The following RHEBL1 variants were observed in gnomAD, a reference collection of about 807,000 sequenced individuals.
RHEBL1 encodes the protein GTPase RhebL1.
RHEBL1 carries 22 observed loss-of-function variants against 27.4 expected under a neutral mutation model. That is an observed-to-expected ratio of 0.80 (90% confidence interval 0.57 to 1.15). The LOEUF is 1.15. Among genes scored for constraint, RHEBL1 ranks in the 50% most tolerant of loss-of-function variants. RHEBL1 has a pLI of 0.00. For synonymous variants in RHEBL1, 85 were observed against 80.8 expected, an observed-to-expected ratio of 1.05 and a Z score of -0.28; for missense variants, 186 against 226.5, an observed-to-expected ratio of 0.82 and a Z score of 1.15.
chr12:49,066,369 A>G, intron 5 of RHEBL1, 91 bp from the exon 6 acceptor site: 1 of 1,547,850 alleles, frequency 6.5e-7, no homozygotes, highest in Non-Finnish European at 8.9e-7. Context: ...TTATCAGACC[A>G]GGCAGGATCT....
chr12:49,064,849 T>A lies in RHEBL1; in HGVS notation c.*254A>T. The A allele has an allele frequency of 1.9e-6, 1 of 518,876 alleles. No homozygotes were observed. Among genetic ancestry groups the A allele is most frequent in the South Asian group, 2.3e-5 (1 of 43,754 alleles). The allele number at this position is 518,876 out of a possible 1,614,324, so 32.1% of individuals were successfully genotyped here. A position where few individuals can be genotyped will look rare whatever the true frequency, so the allele number is the denominator to read the frequency against. On this transcript the variant is annotated 3_prime_UTR_variant, in exon 8 of 8. Coordinates refer to ENST00000301068, the MANE Select transcript of RHEBL1 (RefSeq NM_144593.3). ...ACTCATATCCTGACCCCATAGGTTA[T>A]AACAGAATTCATCAAACAAAAACAG...
Position 49,064,823 on chromosome 12 carries a change from G to A in RHEBL1, c.*280C>T, listed in dbSNP as rs1487155883. The A allele has an allele frequency of 7.2e-6, 3 of 419,242 alleles. No individual in the cohort carries two copies. The highest frequency in any genetic ancestry group is 1.3e-5 in the Non-Finnish European group (3 of 228,270). The allele number at this position is 419,242 out of a possible 1,614,324, so 26.0% of individuals were successfully genotyped here. A position where few individuals can be genotyped will look rare whatever the true frequency, so the allele number is the denominator to read the frequency against. ...TGGGTCCTGGATAAATAATGCCCAG[G>A]ACTCATATCCTGACCCCATAGGTTA... On this transcript the variant is annotated 3_prime_UTR_variant, in exon 8 of 8. Coordinates refer to ENST00000301068, the MANE Select transcript of RHEBL1 (RefSeq NM_144593.3).
intron 1 of RHEBL1, 110 bp from the exon 2 acceptor site, chr12:49,069,216 G>A: frequency 1.3e-6 from 2 of 1,578,772 alleles, no homozygotes; most frequent in Non-Finnish European, 8.6e-7. Flanking sequence ...TAACACCACA[G>A]TCTGTGAGTG....
chr12:49,069,896 A>T lies in RHEBL1; in HGVS notation c.-111T>A. The T allele has an allele frequency of 2.2e-6, 2 of 915,354 alleles. No individual in the cohort carries two copies. The highest frequency in any genetic ancestry group is 3.5e-6 in the Non-Finnish European group (2 of 571,538). The allele number at this position is 915,354 out of a possible 1,614,324, so 56.7% of individuals were successfully genotyped here. A position where few individuals can be genotyped will look rare whatever the true frequency, so the allele number is the denominator to read the frequency against. On this transcript the variant is annotated 5_prime_UTR_variant, in exon 1 of 8. Transcript: ENST00000301068. Reference sequence around the variant, plus strand: ...GGTGCAGGAAAGTCGCTCACCCCGAAGCTGCCGTGGGCAAGTTAGAAGGAA... The same window carrying T: ...GGTGCAGGAAAGTCGCTCACCCCGATGCTGCCGTGGGCAAGTTAGAAGGAA...
chr12:49,066,346 G>A, intron 5 of RHEBL1, 68 bp from the exon 6 acceptor site: 57 of 1,563,814 alleles, frequency 3.6e-5, no homozygotes, highest in Non-Finnish European at 5.0e-5. Flanking sequence ...TTACATCAAG[G>A]CTGGACGACT....
At chr12:49,067,099 CTTT>C (rs10715716) in intron 2 of RHEBL1, 64 bp from the exon 3 acceptor site, 16,654 of 566,864 alleles carry the variant, frequency 0.029, no homozygotes, top group East Asian at 0.038. Context: ...TGTCCCCTGA[CTTT>C]TTTTTTTTTT....
At chr12:49,066,350 G>A in intron 5 of RHEBL1, 72 bp from the exon 6 acceptor site, 2 of 1,564,508 alleles carry the variant, frequency 1.3e-6, no homozygotes, top group Non-Finnish European at 1.8e-6. Flanking sequence ...ATCAAGGCTG[G>A]ACGACTCCTT....
chr12:49,069,324 G>C (rs1939049444), intron 1 of RHEBL1: 1 of 721,042 alleles, frequency 1.4e-6, no homozygotes, highest in Non-Finnish European at 2.2e-6. Flanking sequence ...GCAGCAGGAA[G>C]CCTTTCCCGC....
At chr12:49,065,252 G>A (rs756448793) in intron 7 of RHEBL1, 60 bp from the exon 8 acceptor site, 5 of 1,553,762 alleles carry the variant, frequency 3.2e-6, no homozygotes, top group Non-Finnish European at 4.4e-6. Flanking sequence ...CCCAGCTCTG[G>A]GGTGAAAGCC....
intron 2 of RHEBL1, among the ~76,000 whole-genome samples, chr12:49,068,048 A>C (rs1939025501): frequency 6.6e-6 from 1 of 152,054 alleles, no homozygotes; most frequent in Non-Finnish European, 1.5e-5. Flanking sequence ...TCTTCTATCA[A>C]ACTATATATT....
intron 6 of RHEBL1, among the ~76,000 whole-genome samples, chr12:49,065,933 A>AG (rs1938990513): frequency 6.6e-6 from 1 of 152,114 alleles, no homozygotes; most frequent in Non-Finnish European, 1.5e-5. Flanking sequence ...TAAAAAAAAA[A>AG]AAAATAGAGA....
At chr12:49,067,968 CT>C (rs1282654271) in intron 2 of RHEBL1, among the ~76,000 whole-genome samples, 1 of 152,090 alleles carries the variant, frequency 6.6e-6, no homozygotes, top group East Asian at 1.9e-4. Context: ...TTCTTCTCTT[CT>C]AGCTATTTTG....
In RHEBL1 at chr12:49,065,360, C is replaced by A. The variant is rs368287062; in HGVS notation, c.452G>T (p.Arg151Leu). The A allele has an allele frequency of 6.2e-7, 1 of 1,614,104 alleles. No homozygotes were observed. Among genetic ancestry groups the A allele is most frequent in the African/African-American group, 1.3e-5 (1 of 75,056 alleles). The change falls in exon 7 of 8, where the codon CGA becomes CTA. Residue 151 changes from arginine to leucine, a missense_variant. By Grantham distance (102) the Arg-to-Leu change is moderately radical. This residue lies in a region of RHEBL1 where 90 missense variants were observed against 95.2 expected (regional missense o/e 0.95). Transcript: ENST00000301068. ...WGATFMESSA[R>L]ENQLTQGIFT... is the part of the protein sequence containing the mutation. ...CTTCAGGCCCAGCACCTGATTCTCT[C>A]GAGCAGATGACTCCATAAATGTCGC...
chr12:49,067,642 T>C (rs1565839727), intron 2 of RHEBL1, among the ~76,000 whole-genome samples: 1 of 151,990 alleles, frequency 6.6e-6, no homozygotes, highest in Non-Finnish European at 1.5e-5. Context: ...TAGTTGGGCA[T>C]GGTGGTGCAT....
At chr12:49,068,319 C>T (rs13377924) in intron 2 of RHEBL1, among the ~76,000 whole-genome samples, 5,698 of 151,242 alleles carry the variant, frequency 0.038, 371 homozygotes, top group African/African-American at 0.13. Flanking sequence ...TTAGTAGAGA[C>T]GGGGTTTCAC....
chr12:49,069,758 C>G lies in RHEBL1; in HGVS notation c.28G>C (p.Val10Leu). MPLVRYRKV[V>L]ILGYRCVGKT... is the part of the protein sequence containing the mutation. ...CCTACACAGCGGTATCCGAGGATGACCACCTTCCTGTAGCGGACTAGCGGC... is the reference window on the plus strand; with the variant it reads ...CCTACACAGCGGTATCCGAGGATGAGCACCTTCCTGTAGCGGACTAGCGGC... The change falls in exon 1 of 8, where the codon GTC becomes CTC. Residue 10 changes from valine (V) to leucine (L), a missense_variant. Physicochemically the swap from Val to Leu is conservative, Grantham distance 32 (BLOSUM62 1). This residue lies in a region of RHEBL1 where 62 missense variants were observed against 62.1 expected (regional missense o/e 1.00). Transcript: ENST00000301068. 6.2e-7 allele frequency: 1 copy of G among 1,613,920 alleles called. No individual in the cohort carries two copies. The highest frequency in any genetic ancestry group is 1.1e-5 in the South Asian group (1 of 91,086).
intron 3 of RHEBL1, 115 bp from the exon 4 acceptor site, chr12:49,066,816 A>G (rs888770833): frequency 1.8e-5 from 20 of 1,131,586 alleles, no homozygotes; most frequent in Non-Finnish European, 2.7e-5. Context: ...AGTCACTTCA[A>G]CATGTATTTA....
In RHEBL1 at chr12:49,065,161, T is replaced by C. The variant is rs750655113; in HGVS notation, c.494A>G (p.Gln165Arg). 9 of 1,614,072 alleles carry C rather than the reference T, an allele frequency of 5.6e-6. No homozygotes were observed. The highest frequency in any genetic ancestry group is 7.6e-6 in the Non-Finnish European group (9 of 1,179,934). Reference protein sequence around the residue: ...LTQGIFTKVIQEIARVENSYG... With the variant: ...LTQGIFTKVIREIARVENSYG... ...GGAATTCTCCACACGGGCAATCTCC[T>C]GGATGACTTTGGTGAAGATGCCTTG... Residue 165 changes from glutamine (Q) to arginine (R), a missense_variant, in exon 8 of 8, where the codon CAG (glutamine) becomes CGG (arginine). Around this residue, in one of 3 missense-constraint regions of RHEBL1, gnomAD observed 90 missense variants for 95.2 expected, o/e 0.95. Coordinates refer to ENST00000301068, the MANE Select transcript of RHEBL1 (RefSeq NM_144593.3).
chr12:49,068,899 G>A, intron 2 of RHEBL1, 136 bp downstream of exon 2: 3 of 916,330 alleles, frequency 3.3e-6, no homozygotes, highest in South Asian at 3.3e-5. Context: ...GAACAGGATT[G>A]CTAAAGAAGA....
Sources: allele counts gnomAD v4.1 joint callset (sites outside exome capture counted in the v4.1 genomes callset), GRCh38; gene constraint gnomAD v4.1.1; regional missense constraint gnomAD v4.1.1; transcripts MANE v1.5; gene names NCBI Gene and HGNC (gene_info 2026-07-23, HGNC 2026-07-21).